Variants in LAMB4 observed in about 807,000 individuals in gnomAD.
LAMB4 encodes the protein laminin subunit beta-4.
LAMB4 carries 196 observed loss-of-function variants against 199.2 expected under a neutral mutation model. That is an observed-to-expected ratio of 0.98 (90% CI 0.88 to 1.11). The LOEUF is 1.11. Among genes scored for constraint, LAMB4 ranks in the 50% least tolerant of loss-of-function variants. The pLI is 0.00. For synonymous variants in LAMB4, 744 were observed against 770.6 expected (o/e 0.97, Z 0.57); for missense variants, 2,080 against 2,171.2 (o/e 0.96, Z 0.83).
intron 14 of LAMB4, among the ~76,000 whole-genome samples, chr7:108,088,692 CTT>C (rs1228842417): frequency 2.6e-5 from 4 of 152,192 alleles, no homozygotes; most frequent in Non-Finnish European, 5.9e-5. Flanking sequence ...TCTGTTACCT[CTT>C]AACTTAGGTC....
intron 28 of LAMB4, among the ~76,000 whole-genome samples, chr7:108,046,380 T>C (rs2035625854): frequency 6.6e-6 from 1 of 151,834 alleles, no homozygotes. Context: ...TGTGAGCCAC[T>C]GCACCCGGCC....
At chr7:108,121,057 A>G (rs139193172) in intron 2 of LAMB4, among the ~76,000 whole-genome samples, 148 of 152,350 alleles carry the variant, frequency 9.7e-4, no homozygotes, top group African/African-American at 3.5e-3. Context: ...CCTTCCTGGG[A>G]TGAAGTTTCC....
In LAMB4 at chr7:108,029,210, C is replaced by T. The variant is rs368354723; in HGVS notation, c.4993-14G>A. 3.5e-5 allele frequency: 57 copies of T among 1,607,066 alleles called. No individual in the cohort carries two copies. Among genetic ancestry groups the T allele is most frequent in the Non-Finnish European group, 4.6e-5 (54 of 1,177,266 alleles). On this transcript the variant is annotated splice_polypyrimidine_tract_variant and intron_variant, in intron 32 of 33. Coordinates refer to ENST00000388781, the MANE Select transcript of LAMB4 (RefSeq NM_007356.3). ...CTCAACAAATTCCTGTAACAAGCAACACTTGCATCATGAGAAAATATGTAT... is the reference window on the plus strand; with the variant it reads ...CTCAACAAATTCCTGTAACAAGCAATACTTGCATCATGAGAAAATATGTAT...
At position 108,122,394 on chromosome 7, in the gene LAMB4, C is replaced by T. The variant is rs180720033; in HGVS notation, c.34+737G>A. Among the ~76,000 whole-genome samples, 372 of 152,276 alleles carry T rather than the reference C, an allele frequency of 2.4e-3. 2 individuals carry two copies. The highest frequency in any genetic ancestry group is 2.4e-3 in the Non-Finnish European group (162 of 68,022). On this transcript the variant is annotated intron_variant, in intron 2 of 33. Coordinates refer to ENST00000388781, the MANE Select transcript of LAMB4 (RefSeq NM_007356.3). ...CCCACTGGGCTGTGGCTCACCTCTC[C>T]AAGGCAGGGGATTTTCAACAGAGAA...
chr7:108,043,548 T>G (rs1392164125), intron 29 of LAMB4, among the ~76,000 whole-genome samples: 4 of 4,512 alleles, frequency 8.9e-4, no homozygotes, highest in South Asian at 0.01. Flanking sequence ...CTATGATGTT[T>G]TTTTTTTTTT....
intron 1 of LAMB4, among the ~76,000 whole-genome samples, chr7:108,124,179 C>G (rs1314913995): frequency 6.6e-6 from 1 of 152,092 alleles, no homozygotes; most frequent in Non-Finnish European, 1.5e-5. Context: ...GCATACCCAG[C>G]TAATTTTTAT....
In LAMB4 at chr7:108,079,694, A is replaced by G. The variant is rs780634483; in HGVS notation, c.1794T>C (p.Phe598=). ...AGCCAGCCCCAGGGAGAACCCTGGC[A>G]AATCCAGGTCCAGTCCATGTAACAG... ...GNPVTWTGPG[F]ARVLPGAGLR... The change falls in exon 15 of 34, where the codon TTT becomes TTC. Residue 598 remains phenylalanine, a synonymous_variant. Coordinates refer to ENST00000388781, the MANE Select transcript of LAMB4 (RefSeq NM_007356.3). 1.9e-6 allele frequency: 3 copies of G among 1,613,078 alleles called. No homozygotes were observed. The highest frequency in any genetic ancestry group is 4.5e-5 in the East Asian group (2 of 44,824).
At chr7:108,018,541 C>A in the LAMB4 span, among the ~76,000 whole-genome samples, 2 of 152,108 alleles carry the variant, frequency 1.3e-5, no homozygotes, top group Non-Finnish European at 2.9e-5. Context: ...AGATCAAGAC[C>A]ATCCTGGCTA....
At chr7:108,055,253 C>T (rs1463643895) in intron 25 of LAMB4, among the ~76,000 whole-genome samples, 1 of 150,038 alleles carries the variant, frequency 6.7e-6, no homozygotes, top group Non-Finnish European at 1.5e-5. Context: ...ATGGCATGAT[C>T]TTGGGTCACT....
At chr7:108,069,561 A>G (rs1188908141) in intron 18 of LAMB4, 147 bp downstream of exon 18, 1 of 680,238 alleles carries the variant, frequency 1.5e-6, no homozygotes, top group Non-Finnish European at 2.5e-6. Flanking sequence ...ATTCCAACAC[A>G]TCAGCAGACC....
chr7:108,124,626 A>C (rs2038714440), intron 1 of LAMB4, among the ~76,000 whole-genome samples: 1 of 151,928 alleles, frequency 6.6e-6, no homozygotes, highest in Non-Finnish European at 1.5e-5. Flanking sequence ...CCTTACCAAC[A>C]TGGAGTATTA....
chr7:108,077,674 A>G (rs574897703), intron 16 of LAMB4, among the ~76,000 whole-genome samples: 6 of 152,106 alleles, frequency 3.9e-5, no homozygotes, highest in Non-Finnish European at 5.9e-5. Context: ...AGCCTGGGCA[A>G]CAGGGCGAGA....
intron 1 of LAMB4, among the ~76,000 whole-genome samples, chr7:108,126,860 G>A (rs994658163): frequency 5.3e-5 from 8 of 152,130 alleles, no homozygotes; most frequent in East Asian, 1.9e-4. Context: ...GAGCCACCGC[G>A]CCCGGCCTTC....
intron 9 of LAMB4, among the ~76,000 whole-genome samples, chr7:108,104,079 G>A (rs2037911880): frequency 6.6e-6 from 1 of 152,084 alleles, no homozygotes; most frequent in Non-Finnish European, 1.5e-5. Flanking sequence ...ACTCATTCCT[G>A]GGCCTCATTT....
Position 108,077,011 on chromosome 7 carries a change from A to C in LAMB4, c.2057T>G (p.Ile686Arg). The change falls in exon 17 of 34, where the codon ATA (isoleucine) becomes AGA (arginine). Residue 686 changes from isoleucine to arginine, a missense_variant. By Grantham distance (97) the Ile-to-Arg change is moderately conservative. Coordinates refer to ENST00000388781, the MANE Select transcript of LAMB4 (RefSeq NM_007356.3). ...ICLEPDVQYS[I>R]DVYFSQPLQG... The stretch of plus-strand genomic sequence containing the variant: ...CAAAGGCTGAGAAAAATAGACATCT[A>C]TGGAATATTGTACATCTGGTTCTAA... The C allele has an allele frequency of 6.2e-7, 1 of 1,613,910 alleles. No homozygotes were observed. The highest frequency in any genetic ancestry group is 8.5e-7 in the Non-Finnish European group (1 of 1,179,772).
At chr7:108,066,857 C>T (rs568652899) in intron 19 of LAMB4, among the ~76,000 whole-genome samples, 36 of 151,920 alleles carry the variant, frequency 2.4e-4, no homozygotes, top group South Asian at 1.7e-3. Context: ...ATGTTTTTAA[C>T]GACTTAAACT....
At chr7:108,087,971 T>C (rs2037248377) in intron 14 of LAMB4, among the ~76,000 whole-genome samples, 2 of 152,214 alleles carry the variant, frequency 1.3e-5, no homozygotes, top group Non-Finnish European at 2.9e-5. Context: ...CAGTTGTAAG[T>C]GCATTCATTA....
chr7:108,107,808 A>G lies in LAMB4; in HGVS notation c.414T>C (p.Pro138=). 1 of 1,586,068 alleles carries G rather than the reference A, an allele frequency of 6.3e-7. No individual in the cohort carries two copies. Among genetic ancestry groups the G allele is most frequent in the Non-Finnish European group, 8.5e-7 (1 of 1,171,146 alleles). Residue 138 remains proline (P), a synonymous_variant, in exon 6 of 34, where the codon CCT becomes CCC. Coordinates refer to ENST00000388781, the MANE Select transcript of LAMB4 (RefSeq NM_007356.3). The part of the protein sequence containing the change: ...HLILTFKTFR[P]AAMLVERSTD... ...TGGAACGTTCAACTAACATTGCAGCAGGCCGAAAAGTCTAGGAAAAATGAG... is the reference window on the plus strand; with the variant it reads ...TGGAACGTTCAACTAACATTGCAGCGGGCCGAAAAGTCTAGGAAAAATGAG...
At chr7:108,106,179 T>C (rs1393137931) in intron 7 of LAMB4, 148 bp from the exon 8 acceptor site, 4 of 687,786 alleles carry the variant, frequency 5.8e-6, no homozygotes, top group Non-Finnish European at 9.8e-6. Flanking sequence ...GCACTTTGGG[T>C]GGCCGAGGCA....
Sources: allele counts gnomAD v4.1 joint callset (sites outside exome capture counted in the v4.1 genomes callset), GRCh38; gene constraint gnomAD v4.1.1; transcripts MANE v1.5; gene names NCBI Gene and HGNC (gene_info 2026-07-23, HGNC 2026-07-21).